The following ATP10B variants were observed in gnomAD, a reference collection of about 807,000 sequenced individuals.
ATP10B encodes the protein phospholipid-transporting ATPase VB.
Under a neutral mutation model 141.2 loss-of-function variants are expected in ATP10B, and 122 were observed. That is an observed-to-expected ratio of 0.86 (90% CI 0.75 to 1.00). The LOEUF (loss-of-function observed/expected upper bound fraction) is 1.00, where lower values mean the gene tolerates loss of function less well. Ranked by LOEUF, ATP10B falls within the 50% of genes least tolerant of loss-of-function variation. The pLI, the probability that ATP10B is intolerant of heterozygous loss-of-function variation, is 0.00. For missense variants in ATP10B, 1,876 were observed against 1,825.3 expected, an observed-to-expected ratio of 1.03 and a Z score of -0.51; for synonymous variants, 685 against 692.0, an observed-to-expected ratio of 0.99 and a Z score of 0.16.
intron 2 of ATP10B, among the ~76,000 whole-genome samples, chr5:160,739,892 G>C (rs975221692): frequency 6.6e-6 from 1 of 152,140 alleles, no homozygotes; most frequent in Admixed American, 6.5e-5. Flanking sequence ...GCCCAGGCTA[G>C]ATTTCAGCTC....
intron 7 of ATP10B, among the ~76,000 whole-genome samples, chr5:160,668,104 C>T (rs990805596): frequency 2.0e-5 from 3 of 151,814 alleles, no homozygotes; most frequent in Non-Finnish European, 2.9e-5. Flanking sequence ...TGGTAGTGCA[C>T]GCCTGTAATT....
the ATP10B span, among the ~76,000 whole-genome samples, chr5:160,912,439 A>G: frequency 7.4e-6 from 1 of 134,828 alleles, no homozygotes; most frequent in South Asian, 2.3e-4. Context: ...AAAAAAAAAA[A>G]AAGAGAAAAC....
chr5:160,568,001 G>T (rs1754648526), intron 25 of ATP10B, among the ~76,000 whole-genome samples: 2 of 152,174 alleles, frequency 1.3e-5, no homozygotes, highest in African/African-American at 2.4e-5. Flanking sequence ...CTAGATATGG[G>T]CATGAGTTAG....
At chr5:160,870,315 G>A in the ATP10B span, among the ~76,000 whole-genome samples, 2 of 151,946 alleles carry the variant, frequency 1.3e-5, no homozygotes, top group Non-Finnish European at 2.9e-5. Flanking sequence ...CTTATTTGTG[G>A]CTGTTTCTTT....
intron 24 of ATP10B, among the ~76,000 whole-genome samples, chr5:160,588,495 G>A (rs989404161): frequency 5.9e-5 from 9 of 152,126 alleles, no homozygotes; most frequent in African/African-American, 2.2e-4. Context: ...CTTCCAGAAA[G>A]CCATCTGAAC....
At chr5:160,709,675 T>C (rs1175949064) in intron 3 of ATP10B, among the ~76,000 whole-genome samples, 6 of 140,902 alleles carry the variant, frequency 4.3e-5, no homozygotes, top group African/African-American at 1.1e-4. Context: ...TAGTTACATA[T>C]GTATACATGT....
chr5:160,835,466 G>A (rs1581628000), intron 1 of ATP10B, among the ~76,000 whole-genome samples: 1 of 152,242 alleles, frequency 6.6e-6, no homozygotes, highest in South Asian at 2.1e-4. Flanking sequence ...TATAGAGCAT[G>A]TTGTTCTCTG....
chr5:160,579,509 C>A (rs75072419), intron 24 of ATP10B, among the ~76,000 whole-genome samples: 7 of 152,110 alleles, frequency 4.6e-5, no homozygotes, highest in Non-Finnish European at 1.0e-4. Context: ...GGCCTCTGTT[C>A]TGTTCTGTTG....
intron 24 of ATP10B, among the ~76,000 whole-genome samples, chr5:160,582,784 A>G (rs1414338062): frequency 2.0e-5 from 3 of 151,866 alleles, no homozygotes; most frequent in South Asian, 2.1e-4. Context: ...ATTCCTTTCC[A>G]TTCTTTTTTC....
the ATP10B span, among the ~76,000 whole-genome samples, chr5:160,888,466 C>T: frequency 6.6e-6 from 1 of 152,152 alleles, no homozygotes. Flanking sequence ...TCTAAATGTT[C>T]CTCATTTTCT....
At chr5:160,748,501 A>C (rs916642812) in intron 2 of ATP10B, among the ~76,000 whole-genome samples, 11 of 152,362 alleles carry the variant, frequency 7.2e-5, no homozygotes, top group Middle Eastern at 3.4e-3. Flanking sequence ...GCTGGGGAGC[A>C]CAGGCCCAGC....
chr5:160,873,574 C>A, the ATP10B span, among the ~76,000 whole-genome samples: 3 of 152,214 alleles, frequency 2.0e-5, no homozygotes, highest in African/African-American at 4.8e-5. Flanking sequence ...CAGCTCCCAG[C>A]GTGAGCGACA....
At chr5:160,629,402 G>C (rs1001530944) in intron 13 of ATP10B, among the ~76,000 whole-genome samples, 1 of 152,232 alleles carries the variant, frequency 6.6e-6, no homozygotes, top group Admixed American at 6.5e-5. Flanking sequence ...TTTGAGCCAA[G>C]TGAAGACTCT....
chr5:160,868,004 A>AT, the ATP10B span, among the ~76,000 whole-genome samples: 2 of 152,110 alleles, frequency 1.3e-5, no homozygotes, highest in Non-Finnish European at 1.5e-5. Context: ...CTAAGGGGTA[A>AT]TATCACCGAA....
At chr5:160,874,194 G>C in the ATP10B span, among the ~76,000 whole-genome samples, 1,062 of 152,224 alleles carry the variant, frequency 7.0e-3, 15 homozygotes, top group African/African-American at 0.023. Flanking sequence ...ATCTGAGAAC[G>C]GGCAGACTGC....
rs1295100157 is a variant in ATP10B at position 160,653,320 on chromosome 5, T to C, written c.676-4064A>G. 4.0e-5 allele frequency among the ~76,000 whole-genome samples: 5 copies of C among 123,492 alleles called. 1 individual carries two copies. Among genetic ancestry groups the C allele is most frequent in the African/African-American group, 1.5e-4 (5 of 32,378 alleles). 81.0% of individuals were successfully genotyped at this position (123,492 alleles called of 152,430 possible). On this transcript the variant is annotated intron_variant, in intron 7 of 25. Transcript: ENST00000327245. ...CATACGTACATACATACATAGGTAG[T>C]ATATATACATACGTACATACATACA...
intron 3 of ATP10B, 135 bp downstream of exon 3, chr5:160,716,774 G>A (rs1243198139): frequency 1.7e-6 from 1 of 582,614 alleles, no homozygotes; most frequent in African/African-American, 2.0e-5. Flanking sequence ...CGTTTTTTCT[G>A]TTCCATCATC....
the ATP10B span, among the ~76,000 whole-genome samples, chr5:160,882,354 G>C: frequency 6.6e-6 from 1 of 152,104 alleles, no homozygotes; most frequent in Non-Finnish European, 1.5e-5. Context: ...GCATGTGTAG[G>C]GGATGGGATA....
intron 24 of ATP10B, among the ~76,000 whole-genome samples, chr5:160,572,464 C>A (rs1267636197): frequency 6.6e-6 from 1 of 152,076 alleles, no homozygotes; most frequent in East Asian, 1.9e-4. Flanking sequence ...CCCAAATCAC[C>A]AGAAATCACC....
Sources: gnomAD v4.1 joint callset for allele counts (sites outside exome capture counted in the v4.1 genomes callset) on GRCh38, gnomAD v4.1.1 for gene constraint, MANE v1.5 for transcripts, NCBI Gene and HGNC (gene_info 2026-07-23, HGNC 2026-07-21) for gene names.